NRDE2: variants seen among roughly 807,000 people sequenced by gnomAD.
NRDE2 encodes the protein NRDE-2, necessary for RNA interference, domain containing, also known as nuclear exosome regulator NRDE2.
A neutral mutation model predicts 124.2 loss-of-function variants in NRDE2; 76 were observed. The observed-to-expected ratio is 0.61, with a 90% confidence interval of 0.51 to 0.74. NRDE2 has a LOEUF of 0.74. NRDE2 is among the 30% of genes least tolerant of loss of function. NRDE2 has a pLI of 0.00. For synonymous variants in NRDE2, 489 were observed against 528.1 expected (o/e 0.93, Z 1.01); for missense variants, 1,314 against 1,417.3 (o/e 0.93, Z 1.17).
In NRDE2 at chr14:90,274,838, A is replaced by ACACACACCCCC. The variant is rs1491397403; in HGVS notation, c.*3497_*3498insGGGGGTGTGTG. ...CACACACACACACACACACACACAC[A>ACACACACCCCC]CCCCAATACATATGAATTGATCTGA... is the stretch of plus-strand genomic sequence containing the variant. On this transcript the variant is annotated 3_prime_UTR_variant, in exon 14 of 14. Transcript: ENST00000354366. 12 of 67,214 alleles carry ACACACACCCCC rather than the reference A, an allele frequency of 1.8e-4. No individual in the cohort carries two copies. In the East Asian group the frequency reaches 2.7e-3, roughly 15 times the overall value. The allele number at this position is 67,214 out of a possible 1,614,324, so 4.2% of individuals were successfully genotyped here.
Position 90,268,199 on chromosome 14 carries a change from T to C in NRDE2, c.*10137A>G, listed in dbSNP as rs1355649346. 1.9e-6 allele frequency: 3 copies of C among 1,542,184 alleles called. No individual in the cohort carries two copies. Among genetic ancestry groups the C allele is most frequent in the Non-Finnish European group, 2.6e-6 (3 of 1,150,892 alleles). ...AATGGCACTTAAGGTGTCTTTTTTT[T>C]TTTTATCTTTTTCATCCAAAATAGG... is the stretch of plus-strand genomic sequence containing the variant. On this transcript the variant is annotated 3_prime_UTR_variant, in exon 14 of 14. Coordinates refer to ENST00000354366, the MANE Select transcript of NRDE2 (RefSeq NM_017970.4).
chr14:90,270,273 G>T lies in NRDE2; in HGVS notation c.*8063C>A. 1 of 1,613,704 alleles carries T rather than the reference G, an allele frequency of 6.2e-7. No individual in the cohort carries two copies. On this transcript the variant is annotated 3_prime_UTR_variant, in exon 14 of 14. Coordinates refer to ENST00000354366, the MANE Select transcript of NRDE2 (RefSeq NM_017970.4). ...AAGCGCATCTTTCAGATTCACACAA[G>T]CAGGATGACGCTGGCTGATGATGTA...
At chr14:90,300,052 G>A (rs1264936376) in intron 7 of NRDE2, among the ~76,000 whole-genome samples, 3 of 152,148 alleles carry the variant, frequency 2.0e-5, no homozygotes, top group East Asian at 1.9e-4. Context: ...CACGAGGATC[G>A]GGGTCTCCCA....
chr14:90,308,178 A>G (rs1482011922), intron 4 of NRDE2, among the ~76,000 whole-genome samples: 3 of 152,228 alleles, frequency 2.0e-5, no homozygotes, highest in African/African-American at 7.2e-5. Context: ...ATAGCCAAAG[A>G]AATAACAATC....
At chr14:90,284,815 G>A (rs1033208625) in intron 12 of NRDE2, among the ~76,000 whole-genome samples, 2 of 152,110 alleles carry the variant, frequency 1.3e-5, no homozygotes, top group Admixed American at 1.3e-4. Context: ...TACAATAAAC[G>A]AGGCCCAGCC....
chr14:90,298,186 TAAATAATCATGAGGATGTAAAAAC>T (rs1884250437), intron 8 of NRDE2, 50 bp downstream of exon 8: 2 of 1,482,302 alleles, frequency 1.3e-6, no homozygotes, highest in East Asian at 4.5e-5. Flanking sequence ...CTTAAGCAGA[TAAATAATCATGAGGATGTAAAAAC>T]AAATTCCAGA....
chr14:90,290,309 C>CG lies in NRDE2; in HGVS notation c.2140dup (p.Arg714ProfsTer27). 6.2e-7 allele frequency: 1 copy of CG among 1,614,088 alleles called. No homozygotes were observed. ...AGGCATGACAAGGTGGAAGACATTG[C>CG]GGATGAACTCCTCGCCCTCTCGGTT... On this transcript the variant is annotated frameshift_variant, in exon 10 of 14. Coordinates refer to ENST00000354366, the MANE Select transcript of NRDE2 (RefSeq NM_017970.4). LOFTEE classifies it high-confidence loss of function.
rs747900278 is a variant in NRDE2 at position 90,270,271 on chromosome 14, A to G, written c.*8065T>C. 6.2e-7 allele frequency: 1 copy of G among 1,613,718 alleles called. No individual in the cohort carries two copies. Among genetic ancestry groups the G allele is most frequent in the South Asian group, 1.1e-5 (1 of 91,070 alleles). ...AGAAGCGCATCTTTCAGATTCACAC[A>G]AGCAGGATGACGCTGGCTGATGATG... On this transcript the variant is annotated 3_prime_UTR_variant, in exon 14 of 14. Transcript: ENST00000354366.
At chr14:90,331,090 C>CT (rs571611307) in intron 1 of NRDE2, among the ~76,000 whole-genome samples, 29 of 150,912 alleles carry the variant, frequency 1.9e-4, no homozygotes, top group Non-Finnish European at 2.7e-4. Context: ...CCACGCCTGG[C>CT]TTTTTTTTTA....
chr14:90,282,426 T>A (rs1015598230), intron 12 of NRDE2, among the ~76,000 whole-genome samples: 1 of 151,032 alleles, frequency 6.6e-6, no homozygotes, highest in Non-Finnish European at 1.5e-5. Flanking sequence ...CAGTGAGTCG[T>A]GATAGTGCCA....
At chr14:90,305,166 AC>A (rs750260351) in intron 4 of NRDE2, among the ~76,000 whole-genome samples, 120 of 152,292 alleles carry the variant, frequency 7.9e-4, no homozygotes, top group Admixed American at 1.9e-3. Flanking sequence ...AAAAAAAAAA[AC>A]AACTCAACAT....
intron 1 of NRDE2, among the ~76,000 whole-genome samples, chr14:90,321,980 C>A (rs1211194052): frequency 6.6e-6 from 1 of 152,076 alleles, no homozygotes; most frequent in African/African-American, 2.4e-5. Flanking sequence ...CCCCTATAGA[C>A]CAACAGCTGG....
At chr14:90,319,388 A>T (rs983795303) in intron 1 of NRDE2, among the ~76,000 whole-genome samples, 1 of 152,160 alleles carries the variant, frequency 6.6e-6, no homozygotes, top group Non-Finnish European at 1.5e-5. Flanking sequence ...GATTTTTAGT[A>T]TATTTACAGA....
At position 90,269,946 on chromosome 14, in the gene NRDE2, T is replaced by G. The variant is rs535314484; in HGVS notation, c.*8390A>C. 2.1e-6 allele frequency: 1 copy of G among 470,018 alleles called. No individual in the cohort carries two copies. The highest frequency in any genetic ancestry group is 1.9e-5 in the African/African-American group (1 of 51,592). 29.1% of individuals were successfully genotyped at this position (470,018 alleles called of 1,614,324 possible). On this transcript the variant is annotated 3_prime_UTR_variant, in exon 14 of 14. Transcript: ENST00000354366. Reference sequence around the variant, plus strand: ...ACACAATAGGTCTGCCCAGTTTCACTCAGGAATTGCTCCTTTCATTTATTT... The same window carrying G: ...ACACAATAGGTCTGCCCAGTTTCACGCAGGAATTGCTCCTTTCATTTATTT...
At chr14:90,325,891 T>C (rs1405688254) in intron 1 of NRDE2, among the ~76,000 whole-genome samples, 5 of 152,196 alleles carry the variant, frequency 3.3e-5, no homozygotes, top group Admixed American at 3.3e-4. Context: ...CATTTTGGTA[T>C]TGGCTGTCTT....
intron 12 of NRDE2, among the ~76,000 whole-genome samples, chr14:90,283,029 C>T (rs1019210270): frequency 2.6e-5 from 4 of 152,168 alleles, no homozygotes; most frequent in Admixed American, 6.5e-5. Context: ...AAGGCACAAT[C>T]GCACAACCAA....
In NRDE2 at chr14:90,274,771, C is replaced by A. The variant is rs1021873943; in HGVS notation, c.*3565G>T. 1 of 141,114 alleles carries A rather than the reference C, an allele frequency of 7.1e-6. No individual in the cohort carries two copies. Among genetic ancestry groups the A allele is most frequent in the African/African-American group, 2.6e-5 (1 of 37,782 alleles). The allele number at this position is 141,114 out of a possible 1,614,324, so 8.7% of individuals were successfully genotyped here. On this transcript the variant is annotated 3_prime_UTR_variant, in exon 14 of 14. Transcript: ENST00000354366. Reference sequence around the variant, plus strand: ...TACTATTAATGGAATACAGTATAGCCCTTTAAATAGGGAACTACACACACA... The same window carrying A: ...TACTATTAATGGAATACAGTATAGCACTTTAAATAGGGAACTACACACACA...
Position 90,298,393 on chromosome 14 carries a change from T to C in NRDE2, c.1546-13A>G. The C allele has an allele frequency of 3.7e-6, 6 of 1,613,638 alleles. No homozygotes were observed. Among genetic ancestry groups the C allele is most frequent in the Non-Finnish European group, 5.1e-6 (6 of 1,179,982 alleles). ...CAAAGAATTCCACCTGTTCAGATTT[T>C]AGAATGGACGTTAGACCTCACTTGT... On this transcript the variant is annotated splice_polypyrimidine_tract_variant and intron_variant, in intron 7 of 13. Coordinates refer to ENST00000354366, the MANE Select transcript of NRDE2 (RefSeq NM_017970.4).
chr14:90,285,590 C>T (rs1222922269), intron 12 of NRDE2, among the ~76,000 whole-genome samples: 1 of 152,080 alleles, frequency 6.6e-6, no homozygotes, highest in Admixed American at 6.6e-5. Flanking sequence ...GCATGAGCCA[C>T]CATGCCCAGC....
Sources: allele counts gnomAD v4.1 joint callset (sites outside exome capture counted in the v4.1 genomes callset), GRCh38; gene constraint gnomAD v4.1.1; transcripts MANE v1.5; gene names NCBI Gene and HGNC (gene_info 2026-07-23, HGNC 2026-07-21).